ARHGAP19: variants seen among roughly 807,000 people sequenced by gnomAD.
The protein encoded by ARHGAP19 is rho GTPase-activating protein 19.
A neutral mutation model predicts 60.9 loss-of-function variants in ARHGAP19; 48 were observed. That is an observed-to-expected ratio of 0.79 (90% CI 0.62 to 1.00). The LOEUF (loss-of-function observed/expected upper bound fraction) is 1.00, where lower values mean the gene tolerates loss of function less well. ARHGAP19 is among the 50% of genes least tolerant of loss of function. The probability of loss-of-function intolerance (pLI) is 0.00; values close to 1 mark genes in which losing one functional copy is unlikely to be tolerated. For synonymous variants in ARHGAP19, 209 were observed against 215.5 expected, an observed-to-expected ratio of 0.97 and a Z score of 0.27; for missense variants, 562 against 597.2, an observed-to-expected ratio of 0.94 and a Z score of 0.61.
intron 6 of ARHGAP19, among the ~76,000 whole-genome samples, chr10:97,249,736 T>C (rs1842614553): frequency 6.6e-6 from 1 of 151,978 alleles, no homozygotes; most frequent in Non-Finnish European, 1.5e-5. Context: ...GAATATGTAC[T>C]GAAAGCTAGT....
chr10:97,264,836 A>C lies in ARHGAP19; in HGVS notation c.393T>G (p.Tyr131Ter). The change falls in exon 3 of 12, where the codon TAT (tyrosine) becomes TAG (stop). Residue 131 changes from tyrosine (Y) to a stop codon, truncating the protein, a stop_gained. Coordinates refer to ENST00000358531, the MANE Select transcript of ARHGAP19 (RefSeq NM_032900.6). LOFTEE classifies it high-confidence loss of function. ...TTCAAGTAGTCTTACTTTTGTGTAGATACTCAATCAGTTGGTATATCTGGG... is the reference window on the plus strand; with the variant it reads ...TTCAAGTAGTCTTACTTTTGTGTAGCTACTCAATCAGTTGGTATATCTGGG... The part of the protein sequence containing the change: ...GIAQIYQLIE[Y>*]LHKNLRVEGL... 6.2e-7 allele frequency: 1 copy of C among 1,610,450 alleles called. No individual in the cohort carries two copies. Among genetic ancestry groups the C allele is most frequent in the South Asian group, 1.1e-5 (1 of 90,782 alleles).
At chr10:97,269,647 T>C (rs937971628) in intron 1 of ARHGAP19, among the ~76,000 whole-genome samples, 2 of 152,142 alleles carry the variant, frequency 1.3e-5, no homozygotes, top group East Asian at 3.9e-4. Flanking sequence ...ATTACTACCC[T>C]ATCAGGAGGG....
At chr10:97,231,986 T>G (rs561921860) in intron 9 of ARHGAP19, among the ~76,000 whole-genome samples, 15 of 150,284 alleles carry the variant, frequency 1.0e-4, no homozygotes, top group East Asian at 1.9e-4. Context: ...GTTGTTTTTT[T>G]TTTTTTTTTT....
chr10:97,257,871 A>T (rs1445432829), intron 5 of ARHGAP19, among the ~76,000 whole-genome samples: 1 of 152,114 alleles, frequency 6.6e-6, no homozygotes, highest in Non-Finnish European at 1.5e-5. Context: ...AATTACTATA[A>T]CCTATTTCTA....
At chr10:97,263,658 A>G in intron 3 of ARHGAP19, 29 bp from the exon 4 acceptor site, 12 of 1,591,696 alleles carry the variant, frequency 7.5e-6, no homozygotes, top group Non-Finnish European at 9.5e-6. Context: ...AGCAGAGGAC[A>G]GGCAAAAAGG....
intron 6 of ARHGAP19, among the ~76,000 whole-genome samples, chr10:97,249,797 CTTTT>C (rs34158492): frequency 5.5e-5 from 6 of 109,012 alleles, no homozygotes; most frequent in Admixed American, 9.6e-5. Flanking sequence ...TAGTGTGATT[CTTTT>C]TTTTTTTTTT....
At chr10:97,260,934 TAAA>T (rs757386929) in intron 4 of ARHGAP19, among the ~76,000 whole-genome samples, 3 of 107,590 alleles carry the variant, frequency 2.8e-5, no homozygotes, top group African/African-American at 3.4e-5. Context: ...TCTCTATATT[TAAA>T]AAAAAAAAAA....
chr10:97,260,529 C>CA (rs1427460924), intron 4 of ARHGAP19, among the ~76,000 whole-genome samples: 4 of 150,254 alleles, frequency 2.7e-5, no homozygotes, highest in Non-Finnish European at 4.4e-5. Flanking sequence ...GACTCCATCT[C>CA]AAAAAAAAGA....
At chr10:97,239,654 A>G (rs2134829476) in intron 8 of ARHGAP19, among the ~76,000 whole-genome samples, 1 of 151,244 alleles carries the variant, frequency 6.6e-6, no homozygotes, top group Non-Finnish European at 1.5e-5. Context: ...AAAAAAAGAT[A>G]TTAGGGGAAA....
intron 6 of ARHGAP19, among the ~76,000 whole-genome samples, chr10:97,250,321 T>A (rs1056406101): frequency 6.6e-6 from 1 of 152,074 alleles, no homozygotes; most frequent in African/African-American, 2.4e-5. Context: ...ATATTTGAAA[T>A]TTTTCAAAAT....
At chr10:97,289,074 C>T (rs1843194889) in intron 1 of ARHGAP19, among the ~76,000 whole-genome samples, 1 of 151,408 alleles carries the variant, frequency 6.6e-6, no homozygotes, top group Admixed American at 6.6e-5. Flanking sequence ...GCCTCAGCCT[C>T]CCAAGGTGCT....
rs145945622 is a variant in ARHGAP19 at position 97,282,578 on chromosome 10, C to T, written c.56+9994G>A. On this transcript the variant is annotated intron_variant, in intron 1 of 11. Coordinates refer to ENST00000358531, the MANE Select transcript of ARHGAP19 (RefSeq NM_032900.6). Reference sequence around the variant, plus strand: ...GTTTGTCCCAGTATGAATCTGAGCCCTCCCTTCTGTATCTTCCCCTTCAGA... The same window carrying T: ...GTTTGTCCCAGTATGAATCTGAGCCTTCCCTTCTGTATCTTCCCCTTCAGA... 1.8e-4 allele frequency among the ~76,000 whole-genome samples: 27 copies of T among 152,270 alleles called. 1 individual carries two copies. The East Asian group carries it at 5.2e-3, about 29-fold the overall frequency.
At chr10:97,239,743 T>C (rs59020699) in intron 8 of ARHGAP19, among the ~76,000 whole-genome samples, 3,179 of 152,050 alleles carry the variant, frequency 0.021, 113 homozygotes, top group African/African-American at 0.07. Context: ...GTTTCACTCT[T>C]GTTGCCCAGG....
At chr10:97,242,324 C>CTTTTTTTTT (rs1164708198) in intron 8 of ARHGAP19, among the ~76,000 whole-genome samples, 4 of 55,796 alleles carry the variant, frequency 7.2e-5, no homozygotes, top group African/African-American at 1.5e-4. Flanking sequence ...TATCAGTGTT[C>CTTTTTTTTT]TTTTTTTTTT....
In ARHGAP19 at chr10:97,253,974, G is replaced by C. The variant is rs555466812; in HGVS notation, c.927+2344C>G. 7.8e-4 allele frequency among the ~76,000 whole-genome samples: 118 copies of C among 152,174 alleles called. No individual in the cohort carries two copies. In the Middle Eastern group the frequency reaches 0.017, roughly 22 times the overall value. On this transcript the variant is annotated intron_variant, in intron 6 of 11. Transcript: ENST00000358531. ...CTCCCATGGATAAGAGGGAACTACT[G>C]TATAATGAAAACTATAAAATACTAC...
chr10:97,264,279 C>G (rs368304760), intron 3 of ARHGAP19, among the ~76,000 whole-genome samples: 2 of 151,950 alleles, frequency 1.3e-5, no homozygotes, highest in African/African-American at 4.8e-5. Flanking sequence ...TGGCAAAATC[C>G]CATCTCTACA....
At chr10:97,252,283 T>C (rs940043198) in intron 6 of ARHGAP19, among the ~76,000 whole-genome samples, 3 of 150,546 alleles carry the variant, frequency 2.0e-5, no homozygotes, top group South Asian at 2.1e-4. Context: ...GCTGTGATCA[T>C]GCCACCACAC....
rs544239287 is a variant in ARHGAP19, at chr10:97,249,774, G to A, written c.928-3437C>T. ...ATAAGAAATTCTTTTTAGTTTCTTAGATGTGATAATAGTAGTGTGATTCTT... is the reference window on the plus strand; with the variant it reads ...ATAAGAAATTCTTTTTAGTTTCTTAAATGTGATAATAGTAGTGTGATTCTT... On this transcript the variant is annotated intron_variant, in intron 6 of 11. Transcript: ENST00000358531. Among the ~76,000 whole-genome samples, 9 of 150,732 alleles carry A rather than the reference G, an allele frequency of 6.0e-5. No homozygotes were observed. In the South Asian group the frequency reaches 1.9e-3, roughly 32 times the overall value.
At chr10:97,229,396 G>A (rs1240518441) in intron 10 of ARHGAP19, among the ~76,000 whole-genome samples, 171 bp from the exon 11 acceptor site, 2 of 152,046 alleles carry the variant, frequency 1.3e-5, no homozygotes, top group East Asian at 1.9e-4. Context: ...AATGAAGTAG[G>A]CATGCCTAGG....
Sources: allele counts gnomAD v4.1 joint callset (sites outside exome capture counted in the v4.1 genomes callset), GRCh38; gene constraint gnomAD v4.1.1; transcripts MANE v1.5; gene names NCBI Gene and HGNC (gene_info 2026-07-23, HGNC 2026-07-21).